Variants in PRPF31 observed in about 807,000 individuals in gnomAD.
The protein encoded by PRPF31 is pre-mRNA processing factor 31.
A neutral mutation model predicts 60.4 loss-of-function variants in PRPF31; 12 were observed. That is an observed-to-expected ratio of 0.20 (90% CI 0.13 to 0.32). The LOEUF (loss-of-function observed/expected upper bound fraction) is 0.32, where lower values mean the gene tolerates loss of function less well. Ranked by LOEUF, PRPF31 falls within the 10% of genes least tolerant of loss-of-function variation. The pLI is 1.00. For synonymous variants in PRPF31, 287 were observed against 287.9 expected (o/e 1.00, Z 0.03); for missense variants, 431 against 687.1 (o/e 0.63, Z 4.17).
At chr19:54,121,989 C>T in intron 4 of PRPF31, 46 bp downstream of exon 4, 12 of 1,551,732 alleles carry the variant, frequency 7.7e-6, no homozygotes, top group Non-Finnish European at 1.1e-5. Flanking sequence ...TGACGTCCCT[C>T]ACGCCCCCTC....
chr19:54,118,748 CT>C (rs372993844), intron 3 of PRPF31, 115 bp downstream of exon 3: 17,446 of 846,748 alleles, frequency 0.021, 165 homozygotes, highest in African/African-American at 0.057. Flanking sequence ...CCAGAGCCTT[CT>C]TTTTTTTTTG....
intron 8 of PRPF31, chr19:54,125,207 T>C (rs2073890843): frequency 6.0e-6 from 1 of 166,154 alleles, no homozygotes. Flanking sequence ...ACAGGCCCGC[T>C]AGCCTGGCGG....
chr19:54,120,756 C>T (rs1306529378), intron 3 of PRPF31, among the ~76,000 whole-genome samples: 1 of 151,974 alleles, frequency 6.6e-6, no homozygotes, highest in African/African-American at 2.4e-5. Context: ...CACAGGTGTA[C>T]ACCACCATGC....
chr19:54,131,586 C>T lies in PRPF31; in HGVS notation c.*154C>T, dbSNP rs141548037. 4.8e-4 allele frequency: 564 copies of T among 1,183,226 alleles called. 1 individual carries two copies. The African/African-American group carries it at 7.9e-3, about 17-fold the overall frequency. The allele number at this position is 1,183,226 out of a possible 1,614,324, so 73.3% of individuals were successfully genotyped here. On this transcript the variant is annotated 3_prime_UTR_variant, in exon 14 of 14. Coordinates refer to ENST00000321030, the MANE Select transcript of PRPF31 (RefSeq NM_015629.4). ...GGGAGGAGGCCTTGGAAGAGTCCGG[C>T]CTGGCCTCCCCCAGGACCGAGATCA...
At chr19:54,117,301 A>G (rs1008708186) in intron 1 of PRPF31, among the ~76,000 whole-genome samples, 6 of 152,166 alleles carry the variant, frequency 3.9e-5, no homozygotes, top group Admixed American at 6.5e-5. Context: ...TGGCCAAGCT[A>G]ATGTCTTTAG....
chr19:54,121,999 C>G (rs2073803350), intron 4 of PRPF31, 56 bp downstream of exon 4: 8 of 1,524,088 alleles, frequency 5.2e-6, no homozygotes, highest in Non-Finnish European at 6.3e-6. Context: ...CACGCCCCCT[C>G]TCCCTTCCCC....
At chr19:54,124,716 G>A in intron 8 of PRPF31, 60 bp downstream of exon 8, 2 of 1,572,382 alleles carry the variant, frequency 1.3e-6, no homozygotes, top group Non-Finnish European at 1.7e-6. Context: ...GCTGTGCCCA[G>A]ACAGCCTGAG....
At chr19:54,122,696 G>A (rs1600337768) in intron 5 of PRPF31, 102 bp downstream of exon 5, 1 of 956,804 alleles carries the variant, frequency 1.0e-6, no homozygotes, top group East Asian at 2.4e-5. Flanking sequence ...AGACGATGGA[G>A]AGGAGTGGAC....
chr19:54,129,232 G>C (rs199692595), intron 12 of PRPF31, 40 bp from the exon 13 acceptor site: 67 of 1,601,848 alleles, frequency 4.2e-5, no homozygotes, highest in Admixed American at 5.1e-5. Flanking sequence ...GACACAAGGT[G>C]GGGGGAGCCC....
chr19:54,130,507 C>T (rs1482887903), intron 13 of PRPF31, among the ~76,000 whole-genome samples: 1 of 152,164 alleles, frequency 6.6e-6, no homozygotes, highest in Non-Finnish European at 1.5e-5. Context: ...CGCCTGTAGT[C>T]CCAGCTACTT....
At chr19:54,125,011 G>A (rs946798532) in intron 8 of PRPF31, 17 of 427,138 alleles carry the variant, frequency 4.0e-5, no homozygotes, top group Non-Finnish European at 6.1e-5. Flanking sequence ...CAACTGCTCC[G>A]AAGACCACCC....
rs773145541 is a variant in PRPF31, at chr19:54,124,495, G to T, written c.698-4G>T. ...CCCCCCTTCCTCCCTCCCTCCCACC[G>T]CAGGTGTGGCCGGCGGCCTGACCAA... On this transcript the variant is annotated splice_polypyrimidine_tract_variant and splice_region_variant and intron_variant, in intron 7 of 13. Transcript: ENST00000321030. 2 of 1,512,328 alleles carry T rather than the reference G, an allele frequency of 1.3e-6. No homozygotes were observed. The highest frequency in any genetic ancestry group is 1.8e-5 in the Admixed American group (1 of 56,124). The allele number at this position is 1,512,328 out of a possible 1,614,324, so 93.7% of individuals were successfully genotyped here.
chr19:54,129,088 G>A lies in PRPF31; in HGVS notation c.1178G>A (p.Gly393Glu). 3 of 1,579,228 alleles carry A rather than the reference G, an allele frequency of 1.9e-6. No individual in the cohort carries two copies. The highest frequency in any genetic ancestry group is 2.6e-6 in the Non-Finnish European group (3 of 1,163,556). ...GAGGACGCCTACCAGGAGGACCTGG[G>A]ATTCAGCCTGGGCCACCTGGGCAAG... ...IEEDAYQEDL[G>E]FSLGHLGKSG... The change falls in exon 12 of 14, where the codon GGA (glycine) becomes GAA (glutamate). Residue 393 changes from glycine to glutamate, a missense_variant. Physicochemically the swap from Gly to Glu is moderately conservative, Grantham distance 98 (BLOSUM62 -2). Around this residue, in one of 4 missense-constraint regions of PRPF31, gnomAD observed 314 missense variants for 475.3 expected, o/e 0.66. Transcript: ENST00000321030.
At chr19:54,128,460 C>T (rs587743244) in intron 11 of PRPF31, 83 bp downstream of exon 11, 18 of 1,366,082 alleles carry the variant, frequency 1.3e-5, no homozygotes, top group Middle Eastern at 2.5e-4. Flanking sequence ...CCCCTCCTCT[C>T]GTCCTGTGGC....
At chr19:54,126,992 C>T (rs1467212482) in intron 9 of PRPF31, among the ~76,000 whole-genome samples, 1 of 152,148 alleles carries the variant, frequency 6.6e-6, no homozygotes, top group Non-Finnish European at 1.5e-5. Flanking sequence ...TGGTGGCACG[C>T]ACCTGTAATC....
chr19:54,127,961 A>C, intron 9 of PRPF31, 112 bp from the exon 10 acceptor site: 1 of 1,433,732 alleles, frequency 7.0e-7, no homozygotes, highest in Non-Finnish European at 9.6e-7. Context: ...GTGAGGCAGC[A>C]TTAGGTGCTG....
intron 3 of PRPF31, chr19:54,119,495 ATTC>A (rs1395004278): frequency 1.0e-4 from 15 of 148,396 alleles, no homozygotes; most frequent in Admixed American, 6.7e-4. Flanking sequence ...TACCATTCCT[ATTC>A]TTTTTTTTTT....
At chr19:54,122,129 T>C (rs1357580544) in intron 4 of PRPF31, 186 bp downstream of exon 4, 1 of 715,216 alleles carries the variant, frequency 1.4e-6, no homozygotes, top group African/African-American at 1.7e-5. Context: ...TGAGGAGCAC[T>C]CGGGGATGGT....
intron 9 of PRPF31, among the ~76,000 whole-genome samples, chr19:54,127,673 G>C (rs1045915286): frequency 2.6e-5 from 4 of 152,186 alleles, no homozygotes; most frequent in Non-Finnish European, 5.9e-5. Flanking sequence ...AGATGTACTC[G>C]GGAGAGGAGA....
Sources: allele counts gnomAD v4.1 joint callset (sites outside exome capture counted in the v4.1 genomes callset), GRCh38; gene constraint gnomAD v4.1.1; regional missense constraint gnomAD v4.1.1; transcripts MANE v1.5; gene names NCBI Gene and HGNC (gene_info 2026-07-23, HGNC 2026-07-21).